TSC1: variants seen among roughly 807,000 people sequenced by gnomAD.
TSC1 encodes the protein TSC complex subunit 1.
TSC1 carries 20 observed loss-of-function variants against 124.3 expected under a neutral mutation model. That is an observed-to-expected ratio of 0.16 (90% CI 0.11 to 0.23). The LOEUF (loss-of-function observed/expected upper bound fraction) is 0.23. Among genes scored for constraint, TSC1 ranks in the 10% least tolerant of loss-of-function variants. TSC1 has a pLI of 1.00. For synonymous variants in TSC1, 493 were observed against 539.1 expected (o/e 0.91, Z 1.19); for missense variants, 1,124 against 1,448.5 (o/e 0.78, Z 3.64).
intron 22 of TSC1, 60 bp downstream of exon 22, chr9:132,897,124 G>T (rs1037291342): frequency 1.2e-5 from 19 of 1,611,034 alleles, no homozygotes; most frequent in Non-Finnish European, 1.6e-5. Context: ...ACGTGACACA[G>T]TCCTTATGCT....
chr9:132,930,980 C>A (rs550836806), intron 2 of TSC1, among the ~76,000 whole-genome samples: 15 of 152,294 alleles, frequency 9.8e-5, no homozygotes, highest in African/African-American at 2.9e-4. Context: ...CATATAAACA[C>A]TCGCTGCATA....
intron 12 of TSC1, among the ~76,000 whole-genome samples, chr9:132,907,824 C>T (rs192253295): frequency 3.9e-5 from 6 of 152,342 alleles, no homozygotes; most frequent in Admixed American, 1.3e-4. Flanking sequence ...TGGTGGCCCA[C>T]GCCTGTAGTC....
intron 1 of TSC1, among the ~76,000 whole-genome samples, chr9:132,940,140 T>C (rs866865395): frequency 5.3e-5 from 8 of 152,234 alleles, no homozygotes; most frequent in African/African-American, 1.7e-4. Flanking sequence ...ACGTAGCAGG[T>C]TACATACCTG....
At chr9:132,930,616 A>G (rs2132322024) in intron 2 of TSC1, among the ~76,000 whole-genome samples, 1 of 146,646 alleles carries the variant, frequency 6.8e-6, no homozygotes, top group African/African-American at 2.5e-5. Flanking sequence ...AAAAAAAGAG[A>G]GAGATAAGCT....
rs1588325018 is a variant in TSC1, at chr9:132,911,575, T to G, written c.914-7A>C. 1.5e-6 allele frequency: 2 copies of G among 1,343,828 alleles called. No homozygotes were observed. The highest frequency in any genetic ancestry group is 7.3e-5 in the East Asian group (2 of 27,502). 83.2% of individuals were successfully genotyped at this position (1,343,828 alleles called of 1,614,324 possible). A position where few individuals can be genotyped will look rare whatever the true frequency, so the allele number is the denominator to read the frequency against. ...GGGGTAGAAGTAGCACACCCTAAAA[T>G]GGAAGAGAAGAACACAGGGGGTTAG... On this transcript the variant is annotated splice_region_variant and splice_polypyrimidine_tract_variant and intron_variant, in intron 9 of 22. Transcript: ENST00000298552.
chr9:132,923,585 A>G lies in TSC1; in HGVS notation c.364-93T>C. On this transcript the variant is annotated intron_variant, in intron 5 of 22. Transcript: ENST00000298552. This position sits in a 1 kb window ranked among gnomAD's most constrained non-coding sequence, Gnocchi z 4.2. ...ACATGAAGAGGCTCTAAACACTGAG[A>G]GAATCACAAATCACAAGTTGACTCA... is the stretch of plus-strand genomic sequence containing the variant. 3.2e-6 allele frequency: 5 copies of G among 1,564,434 alleles called. No homozygotes were observed. The highest frequency in any genetic ancestry group is 4.4e-6 in the Non-Finnish European group (5 of 1,138,788).
At chr9:132,912,623 AT>A in intron 8 of TSC1, 166 bp from the exon 9 acceptor site, 1 of 731,550 alleles carries the variant, frequency 1.4e-6, no homozygotes, top group Non-Finnish European at 2.3e-6. Flanking sequence ...ATAGCCATTC[AT>A]TTTACAATCC....
Position 132,905,976 on chromosome 9 carries a change from C to A in TSC1, c.1602G>T (p.Glu534Asp), listed in dbSNP as rs1419023919. 1.7e-5 allele frequency: 27 copies of A among 1,613,990 alleles called. No individual in the cohort carries two copies. Among genetic ancestry groups the A allele is most frequent in the Non-Finnish European group, 2.2e-5 (26 of 1,180,024 alleles). ...SSSQGASVNPEPLHSSLDKLG... is the reference protein window; with the variant it reads ...SSSQGASVNPDPLHSSLDKLG... ...GCTTGTCCAGGGAGGAGTGTAAAGGCTCAGGGTTCACGCTGGCGCCCTGAG... is the reference window on the plus strand; with the variant it reads ...GCTTGTCCAGGGAGGAGTGTAAAGGATCAGGGTTCACGCTGGCGCCCTGAG... The change falls in exon 15 of 23, where the codon GAG becomes GAT. Residue 534 changes from glutamate to aspartate, a missense_variant. By Grantham distance (45) the Glu-to-Asp change is conservative (BLOSUM62 2). This residue lies in a region of TSC1 where 321 missense variants were observed against 397.4 expected (regional missense o/e 0.81). Transcript: ENST00000298552.
intron 8 of TSC1, among the ~76,000 whole-genome samples, chr9:132,917,743 A>G (rs1363393508): frequency 6.6e-6 from 1 of 152,064 alleles, no homozygotes; most frequent in Non-Finnish European, 1.5e-5. Flanking sequence ...TCTGCTTTCT[A>G]TTTACCTATA....
chr9:132,897,039 G>T, intron 22 of TSC1, 145 bp downstream of exon 22: 1 of 1,379,106 alleles, frequency 7.3e-7, no homozygotes, highest in Non-Finnish European at 1.0e-6. Context: ...GGAAAGGAAC[G>T]TCAGAGTGGG....
rs114451444 is a variant in TSC1, at chr9:132,916,971, C to T, written c.737+4392G>A. Among the ~76,000 whole-genome samples, 204 of 152,258 alleles carry T rather than the reference C, an allele frequency of 1.3e-3. 2 individuals carry two copies. Among genetic ancestry groups the T allele is most frequent in the African/African-American group, 4.7e-3 (197 of 41,534 alleles). On this transcript the variant is annotated intron_variant, in intron 8 of 22. Transcript: ENST00000298552. ...GCTCCAGTGATTAACTGAGGAAGGA[C>T]ATATGGGAAGGAAATTTGAGTCCAT...
upstream of TSC1, chr9:132,944,951 A>C: frequency 9.6e-6 from 2 of 209,046 alleles, no homozygotes; most frequent in East Asian, 9.5e-5. Context: ...GCGGGCGGTC[A>C]CGTGACTGGC....
chr9:132,935,022 T>G lies in TSC1; in HGVS notation c.-81+11A>C, dbSNP rs1588375277. 7.5e-6 allele frequency: 3 copies of G among 398,976 alleles called. No homozygotes were observed. Among genetic ancestry groups the G allele is most frequent in the Non-Finnish European group, 1.3e-5 (3 of 226,090 alleles). 24.7% of individuals were successfully genotyped at this position (398,976 alleles called of 1,614,324 possible). ...CATCTTCCTCTAACCACTGGCCTGGTTATAGCTTACCTGTTCTAGCGACAA... is the reference window on the plus strand; with the variant it reads ...CATCTTCCTCTAACCACTGGCCTGGGTATAGCTTACCTGTTCTAGCGACAA... On this transcript the variant is annotated intron_variant, in intron 2 of 22. Transcript: ENST00000298552.
rs755140463 is a variant in TSC1 at position 132,928,749 on chromosome 9, G to T, written c.106+18C>A. Reference sequence around the variant, plus strand: ...TTCTTTCTAGAAGATAAGCTAAAAAGGATATTATTTTGCTAACCAGAATTG... The same window carrying T: ...TTCTTTCTAGAAGATAAGCTAAAAATGATATTATTTTGCTAACCAGAATTG... On this transcript the variant is annotated intron_variant, in intron 3 of 22. Coordinates refer to ENST00000298552, the MANE Select transcript of TSC1 (RefSeq NM_000368.5). 2 of 1,613,596 alleles carry T rather than the reference G, an allele frequency of 1.2e-6. No individual in the cohort carries two copies. Among genetic ancestry groups the T allele is most frequent in the East Asian group, 4.5e-5 (2 of 44,880 alleles).
chr9:132,932,336 C>T (rs1191066570), intron 2 of TSC1, among the ~76,000 whole-genome samples: 1 of 152,174 alleles, frequency 6.6e-6, no homozygotes, highest in Non-Finnish European at 1.5e-5. Flanking sequence ...TTGACTCTTT[C>T]ACCACCCCCA....
intron 1 of TSC1, among the ~76,000 whole-genome samples, chr9:132,938,336 A>G (rs1487321284): frequency 2.0e-5 from 3 of 152,324 alleles, no homozygotes; most frequent in African/African-American, 7.2e-5. Flanking sequence ...CCACGTCCTT[A>G]TCTTCGAAAG....
intron 20 of TSC1, chr9:132,900,405 A>T (rs1845304394): frequency 2.0e-5 from 8 of 403,706 alleles, no homozygotes; most frequent in South Asian, 1.7e-4. Flanking sequence ...TTGGTCCCCC[A>T]TCCTTCTTTT....
At position 132,905,975 on chromosome 9, in the gene TSC1, G is replaced by C. The variant is rs1235168127; in HGVS notation, c.1603C>G (p.Pro535Ala). The C allele has an allele frequency of 1.7e-5, 27 of 1,614,020 alleles. No individual in the cohort carries two copies. The highest frequency in any genetic ancestry group is 2.2e-5 in the Non-Finnish European group (26 of 1,180,030). ...AGCTTGTCCAGGGAGGAGTGTAAAG[G>C]CTCAGGGTTCACGCTGGCGCCCTGA... ...SSQGASVNPEPLHSSLDKLGP... is the reference protein window; with the variant it reads ...SSQGASVNPEALHSSLDKLGP... Residue 535 changes from proline (P) to alanine (A), a missense_variant, in exon 15 of 23, where the codon CCT becomes GCT. By Grantham distance (27) the Pro-to-Ala change is conservative (BLOSUM62 -1). This residue lies in a region of TSC1 where 321 missense variants were observed against 397.4 expected (regional missense o/e 0.81). Coordinates refer to ENST00000298552, the MANE Select transcript of TSC1 (RefSeq NM_000368.5).
In TSC1 at chr9:132,912,326, G is replaced by A. The variant is rs1846007897; in HGVS notation, c.869C>T (p.Ala290Val). ...AGCATAAGGGCTGGTGGTGACATCGGCTGAACGATGAGGAAAGCGGGCTGA... is the reference window on the plus strand; with the variant it reads ...AGCATAAGGGCTGGTGGTGACATCGACTGAACGATGAGGAAAGCGGGCTGA... ...QISARFPHRS[A>V]DVTTSPYADT... The change falls in exon 9 of 23, where the codon GCC (alanine) becomes GTC (valine). Residue 290 changes from alanine to valine, a missense_variant. By Grantham distance (64) the Ala-to-Val change is moderately conservative. This residue lies in a region of TSC1 where 463 missense variants were observed against 606.8 expected (regional missense o/e 0.76). Transcript: ENST00000298552. 6.2e-7 allele frequency: 1 copy of A among 1,614,152 alleles called. No individual in the cohort carries two copies. Among genetic ancestry groups the A allele is most frequent in the East Asian group, 2.2e-5 (1 of 44,876 alleles).
Sources: gnomAD v4.1 joint callset for allele counts (sites outside exome capture counted in the v4.1 genomes callset) on GRCh38, gnomAD v4.1.1 for gene constraint, gnomAD v4.1.1 regional missense constraint, Gnocchi (gnomAD v3.1) non-coding constraint, MANE v1.5 for transcripts, NCBI Gene and HGNC (gene_info 2026-07-23, HGNC 2026-07-21) for gene names.